The following RAB30 variants were observed in gnomAD, a reference collection of about 807,000 sequenced individuals.
RAB30 encodes ras-related protein Rab-30.
RAB30 carries 9 observed loss-of-function variants against 25.1 expected under a neutral mutation model. That is an observed-to-expected ratio of 0.36 (90% CI 0.22 to 0.63). RAB30 has a LOEUF of 0.63. Among genes scored for constraint, RAB30 ranks in the 20% least tolerant of loss-of-function variants. RAB30 has a pLI of 0.69. For synonymous variants in RAB30, 77 were observed against 86.4 expected (o/e 0.89, Z 0.60); for missense variants, 140 against 243.5 (o/e 0.58, Z 2.83).
chr11:82,997,484 G>C, intron 1 of RAB30, 160 bp from the exon 2 acceptor site: 1 of 597,038 alleles, frequency 1.7e-6, no homozygotes, highest in Non-Finnish European at 3.0e-6. Context: ...AGAAACACAG[G>C]TGTTTGGTCA....
At chr11:83,010,702 C>T (rs1418575675) in intron 1 of RAB30, among the ~76,000 whole-genome samples, 1 of 152,148 alleles carries the variant, frequency 6.6e-6, no homozygotes, top group African/African-American at 2.4e-5. Flanking sequence ...TACCAAAAGC[C>T]ATAAAAGAAT....
At chr11:82,990,105 T>C (rs775642138) in intron 3 of RAB30, among the ~76,000 whole-genome samples, 13 of 152,228 alleles carry the variant, frequency 8.5e-5, no homozygotes, top group Admixed American at 3.9e-4. Flanking sequence ...ATGTTTTCAA[T>C]ACTGTAGCCA....
Position 82,977,592 on chromosome 11 carries a change from CGGCCTCATTCAGTA to C in RAB30, c.*4559_*4572del, listed in dbSNP as rs2121419789. On this transcript the variant is annotated 3_prime_UTR_variant, in exon 5 of 5. Transcript: ENST00000527633. ...CATGGAACCCAAATCTGTGTCCCTA[CGGCCTCATTCAGTA>C]GGCCTCATTCCACCCCTCTGAACCA... is the stretch of plus-strand genomic sequence containing the variant. 1 of 152,296 alleles carries C rather than the reference CGGCCTCATTCAGTA, an allele frequency of 6.6e-6. No homozygotes were observed. The highest frequency in any genetic ancestry group is 2.1e-4 in the South Asian group (1 of 4,828). The allele number at this position is 152,296 out of a possible 1,614,324, so 9.4% of individuals were successfully genotyped here. A position where few individuals can be genotyped will look rare whatever the true frequency, so the allele number is the denominator to read the frequency against.
At chr11:83,043,420 T>A (rs144883961) in intron 1 of RAB30, among the ~76,000 whole-genome samples, 2 of 152,336 alleles carry the variant, frequency 1.3e-5, no homozygotes, top group East Asian at 3.9e-4. Flanking sequence ...TGAGCACTAA[T>A]AAACTGTGGT....
chr11:82,984,792 G>T (rs1856708524), intron 4 of RAB30, among the ~76,000 whole-genome samples: 1 of 152,092 alleles, frequency 6.6e-6, no homozygotes, highest in Non-Finnish European at 1.5e-5. Flanking sequence ...TCCAGGTCTG[G>T]GGCAGGAAAT....
chr11:82,988,015 T>G (rs1304880411), intron 3 of RAB30, among the ~76,000 whole-genome samples: 1 of 151,916 alleles, frequency 6.6e-6, no homozygotes, highest in Non-Finnish European at 1.5e-5. Context: ...GTTTTGTTTT[T>G]TCTTTGTTAA....
At position 82,982,127 on chromosome 11, in the gene RAB30, G is replaced by A; in HGVS notation, c.*38C>T. 2 of 1,612,252 alleles carry A rather than the reference G, an allele frequency of 1.2e-6. No homozygotes were observed. The highest frequency in any genetic ancestry group is 1.7e-6 in the Non-Finnish European group (2 of 1,178,676). ...CCCCAGCATCTCATGGCCCATCAGGGCAGTTGCTGATTCCTTTTCTTCTCC... is the reference window on the plus strand; with the variant it reads ...CCCCAGCATCTCATGGCCCATCAGGACAGTTGCTGATTCCTTTTCTTCTCC... On this transcript the variant is annotated 3_prime_UTR_variant, in exon 5 of 5. Coordinates refer to ENST00000527633, the MANE Select transcript of RAB30 (RefSeq NM_001286060.2).
At chr11:83,030,147 A>T (rs1038186525) in intron 1 of RAB30, among the ~76,000 whole-genome samples, 4 of 152,200 alleles carry the variant, frequency 2.6e-5, no homozygotes, top group African/African-American at 9.7e-5. Context: ...TGTAGAATTT[A>T]TCCATGTAAC....
chr11:83,023,175 C>T (rs989939708), intron 1 of RAB30, among the ~76,000 whole-genome samples: 1 of 152,122 alleles, frequency 6.6e-6, no homozygotes, highest in Non-Finnish European at 1.5e-5. Flanking sequence ...TTGGGAACCA[C>T]TGCTTTACCC....
rs1302976028 is a variant in RAB30, at chr11:82,974,998, A to C, written c.*7167T>G. The C allele has an allele frequency of 6.7e-6, 1 of 150,066 alleles. No homozygotes were observed. The highest frequency in any genetic ancestry group is 1.9e-4 in the East Asian group (1 of 5,182). The allele number at this position is 150,066 out of a possible 1,614,324, so 9.3% of individuals were successfully genotyped here. On this transcript the variant is annotated 3_prime_UTR_variant, in exon 5 of 5. Coordinates refer to ENST00000527633, the MANE Select transcript of RAB30 (RefSeq NM_001286060.2). ...GAAATTTTGCTCACGAGTTAGTTCA[A>C]ATACATTTATGTAGCTCCCTTATAT...
intron 1 of RAB30, among the ~76,000 whole-genome samples, chr11:83,061,428 C>T (rs760296561): frequency 2.0e-5 from 3 of 152,068 alleles, no homozygotes; most frequent in Non-Finnish European, 2.9e-5. Flanking sequence ...GACATTGGAA[C>T]GACTGAGGAA....
chr11:83,001,578 G>A (rs1857086948), intron 1 of RAB30, among the ~76,000 whole-genome samples: 1 of 152,200 alleles, frequency 6.6e-6, no homozygotes. Context: ...GTAATCTGTT[G>A]TAGTTACTGT....
intron 2 of RAB30, among the ~76,000 whole-genome samples, chr11:82,995,116 T>C (rs1418913840): frequency 6.6e-6 from 1 of 152,228 alleles, no homozygotes; most frequent in Non-Finnish European, 1.5e-5. Context: ...GAAAGAACTC[T>C]TCACCCAGTT....
chr11:83,070,064 G>C (rs1352771988), intron 1 of RAB30, among the ~76,000 whole-genome samples: 1 of 145,684 alleles, frequency 6.9e-6, no homozygotes, highest in Non-Finnish European at 1.5e-5. Context: ...GAAACAGAAA[G>C]GAAAAATGTA....
At position 82,994,825 on chromosome 11, in the gene RAB30, A is replaced by C. The variant is rs527276752; in HGVS notation, c.94-703T>G. On this transcript the variant is annotated intron_variant, in intron 2 of 4. Coordinates refer to ENST00000527633, the MANE Select transcript of RAB30 (RefSeq NM_001286060.2). ...AAGAAAATTAAGTCATCAAGGAGAC[A>C]GTAGGGTAGAAACAGCACTAAACCA... Among the ~76,000 whole-genome samples the C allele has an allele frequency of 1.9e-4, 29 of 152,338 alleles. No homozygotes were observed. In the South Asian group the frequency reaches 5.6e-3, roughly 29 times the overall value.
At chr11:83,038,951 T>C (rs1335825204) in intron 1 of RAB30, 1 of 152,112 alleles carries the variant, frequency 6.6e-6, no homozygotes, top group Non-Finnish European at 1.5e-5. Flanking sequence ...ACCCAGAAAG[T>C]AGCCACTATT....
chr11:83,052,065 A>G (rs961982928), intron 1 of RAB30, among the ~76,000 whole-genome samples: 8 of 152,228 alleles, frequency 5.3e-5, no homozygotes, highest in Non-Finnish European at 8.8e-5. Flanking sequence ...TCCTTGAGCA[A>G]TAATCAGGTT....
chr11:83,013,402 T>G (rs1004149858), intron 1 of RAB30, among the ~76,000 whole-genome samples: 16 of 152,088 alleles, frequency 1.1e-4, no homozygotes, highest in African/African-American at 3.9e-4. Flanking sequence ...TTATTATTCT[T>G]GTTGGTTTAT....
chr11:83,065,582 G>A (rs1858677109), intron 1 of RAB30, among the ~76,000 whole-genome samples: 1 of 152,122 alleles, frequency 6.6e-6, no homozygotes, highest in African/African-American at 2.4e-5. Flanking sequence ...TTTAAGTTAA[G>A]CATTTCTGGC....
Sources: gnomAD v4.1 joint callset for allele counts (sites outside exome capture counted in the v4.1 genomes callset) on GRCh38, gnomAD v4.1.1 for gene constraint, MANE v1.5 for transcripts, NCBI Gene and HGNC (gene_info 2026-07-23, HGNC 2026-07-21) for gene names.